Variants in INTS3 observed in about 807,000 individuals in gnomAD.
The protein encoded by INTS3 is SOSS complex subunit A.
A neutral mutation model predicts 146.3 loss-of-function variants in INTS3; 34 were observed. The ratio of observed to expected loss-of-function variants is 0.23; its 90% CI spans 0.18 to 0.31. The LOEUF is 0.31. Among genes scored for constraint, INTS3 ranks in the 10% least tolerant of loss-of-function variants. The pLI is 1.00. For missense variants in INTS3, 757 were observed against 1,304.2 expected, an observed-to-expected ratio of 0.58 and a Z score of 6.46; for synonymous variants, 475 against 494.9, an observed-to-expected ratio of 0.96 and a Z score of 0.53.
chr1:153,760,589 G>A (rs1053147873), intron 12 of INTS3, 199 bp downstream of exon 12: 2 of 625,116 alleles, frequency 3.2e-6, no homozygotes, highest in Non-Finnish European at 5.6e-6. Context: ...TTTTCTGTGG[G>A]GTTTCTCAAT....
intron 19 of INTS3, 65 bp from the exon 20 acceptor site, chr1:153,764,879 A>G: frequency 6.2e-7 from 1 of 1,606,996 alleles, no homozygotes; most frequent in Non-Finnish European, 8.5e-7. Context: ...GCCACCTGAG[A>G]AACTCCATGG....
Position 153,772,256 on chromosome 1 carries a change from T to A in INTS3, c.2721-84T>A. The A allele has an allele frequency of 2.7e-6, 4 of 1,486,364 alleles. No individual in the cohort carries two copies. Among genetic ancestry groups the A allele is most frequent in the Non-Finnish European group, 3.7e-6 (4 of 1,081,716 alleles). 92.1% of individuals were successfully genotyped at this position (1,486,364 alleles called of 1,614,324 possible). A position where few individuals can be genotyped will look rare whatever the true frequency, so the allele number is the denominator to read the frequency against. On this transcript the variant is annotated intron_variant, in intron 26 of 29. Transcript: ENST00000318967. This position sits in a 1 kb window ranked among gnomAD's most constrained non-coding sequence, Gnocchi z 4.6. ...TTCCCCATGTAGGCTGCCTCTGTCT[T>A]AAGGGGGCCCTGGCGGGTGGAGGGT...
At chr1:153,739,173 C>A (rs1570839275) in intron 1 of INTS3, among the ~76,000 whole-genome samples, 1 of 152,174 alleles carries the variant, frequency 6.6e-6, no homozygotes. Flanking sequence ...AAGTGATTCT[C>A]CTGCCTCAGG....
intron 11 of INTS3, 21 bp from the exon 12 acceptor site, chr1:153,760,290 C>A: frequency 8.6e-7 from 1 of 1,162,724 alleles, no homozygotes; most frequent in Non-Finnish European, 1.3e-6. Flanking sequence ...GTGAGGGGCT[C>A]TTTAATTTCA....
At position 153,772,703 on chromosome 1, in the gene INTS3, C is replaced by T; in HGVS notation, c.2886C>T (p.His962=). The change falls in exon 28 of 30, where the codon CAC becomes CAT. Residue 962 remains histidine, a synonymous_variant. Coordinates refer to ENST00000318967, the MANE Select transcript of INTS3 (RefSeq NM_023015.5). The surrounding 1 kb of genome is among the most constrained non-coding windows in gnomAD (Gnocchi z 4.6). The part of the protein sequence containing the change: ...QHVQASCDEA[H]KMKFSDLFSL... ...TCCAAGCGAGCTGTGACGAAGCCCA[C>T]AAGATGAAGTGAGGCTCCTGCCACT... The T allele has an allele frequency of 6.2e-7, 1 of 1,613,652 alleles. No individual in the cohort carries two copies. The highest frequency in any genetic ancestry group is 8.5e-7 in the Non-Finnish European group (1 of 1,179,708).
In INTS3 at chr1:153,728,641, T is replaced by C; in HGVS notation, c.7T>C (p.Leu3=). ME[L]QKGKGAAAAA... ...CCGGCTCCTGGCTGCAGCCATGGAG[T>C]TGCAGAAGGGAAAAGGGGCGGCAGC... Residue 3 remains leucine (L), a synonymous_variant, in exon 1 of 30, where the codon TTG becomes CTG. Coordinates refer to ENST00000318967, the MANE Select transcript of INTS3 (RefSeq NM_023015.5). 6.2e-7 allele frequency: 1 copy of C among 1,602,494 alleles called. No homozygotes were observed.
chr1:153,750,507 G>T (rs1671918277), intron 6 of INTS3, among the ~76,000 whole-genome samples: 1 of 152,152 alleles, frequency 6.6e-6, no homozygotes, highest in Admixed American at 6.5e-5. Flanking sequence ...GACTCGTTGT[G>T]TATCAGTGAC....
intron 10 of INTS3, among the ~76,000 whole-genome samples, chr1:153,758,859 A>G (rs748335403): frequency 2.1e-5 from 3 of 142,974 alleles, no homozygotes; most frequent in Admixed American, 7.0e-5. Flanking sequence ...TATAATCCCA[A>G]TACTTTGGGA....
chr1:153,755,325 G>A (rs71626784), intron 9 of INTS3, among the ~76,000 whole-genome samples: 41 of 152,094 alleles, frequency 2.7e-4, no homozygotes, highest in Non-Finnish European at 7.4e-5. Flanking sequence ...GTGCAGTGGC[G>A]CGATCTCGGC....
intron 13 of INTS3, chr1:153,761,265 C>A (rs1234436127): frequency 2.0e-6 from 1 of 496,980 alleles, no homozygotes; most frequent in Non-Finnish European, 3.5e-6. Context: ...AATCCCAGCA[C>A]TTTGGGAGGC....
intron 10 of INTS3, among the ~76,000 whole-genome samples, chr1:153,759,136 T>G (rs1203142061): frequency 6.6e-6 from 1 of 150,756 alleles, no homozygotes; most frequent in Non-Finnish European, 1.5e-5. Flanking sequence ...AATAGAAAAA[T>G]GAGCCAGGTG....
chr1:153,763,977 C>G (rs967746557), intron 17 of INTS3, 91 bp downstream of exon 17: 25 of 1,345,326 alleles, frequency 1.9e-5, no homozygotes, highest in Non-Finnish European at 2.7e-5. Flanking sequence ...TTTTCCCTCC[C>G]CTAGATGAGT....
intron 16 of INTS3, 32 bp downstream of exon 16, chr1:153,763,394 G>A (rs1672461960): frequency 5.6e-6 from 9 of 1,612,598 alleles, no homozygotes; most frequent in Non-Finnish European, 7.6e-6. Flanking sequence ...AACTTCAGGA[G>A]GTTCAGCCCC....
Position 153,728,802 on chromosome 1 carries a change from G to A in INTS3, c.150+18G>A, listed in dbSNP as rs1670954845. The stretch of plus-strand genomic sequence containing the variant: ...TAGAGGAGGTAGGTGTGGGGGGAGG[G>A]AAGGGAGTTAAGAAATTGGGTTTTG... On this transcript the variant is annotated intron_variant, in intron 1 of 29. Coordinates refer to ENST00000318967, the MANE Select transcript of INTS3 (RefSeq NM_023015.5). 7.0e-7 allele frequency: 1 copy of A among 1,422,704 alleles called. No individual in the cohort carries two copies. Among genetic ancestry groups the A allele is most frequent in the Non-Finnish European group, 9.4e-7 (1 of 1,062,310 alleles). The allele number at this position is 1,422,704 out of a possible 1,614,324, so 88.1% of individuals were successfully genotyped here. A position where few individuals can be genotyped will look rare whatever the true frequency, so the allele number is the denominator to read the frequency against.
At chr1:153,768,258 C>G (rs1391329699) in intron 21 of INTS3, among the ~76,000 whole-genome samples, 1 of 152,176 alleles carries the variant, frequency 6.6e-6, no homozygotes, top group Non-Finnish European at 1.5e-5. Flanking sequence ...CTGGTTCACT[C>G]ACACTCTAGG....
At position 153,768,522 on chromosome 1, in the gene INTS3, T is replaced by C. The variant is rs559784640; in HGVS notation, c.2245-371T>C. Among the ~76,000 whole-genome samples, 40 of 152,330 alleles carry C rather than the reference T, an allele frequency of 2.6e-4. 1 individual carries two copies. The South Asian group carries it at 7.7e-3, about 29-fold the overall frequency. ...AAAGGTCAGCACAGGTTGGACTTCT[T>C]TGCTGCCAGGGATGCAAATATTTAT... On this transcript the variant is annotated intron_variant, in intron 21 of 29. Coordinates refer to ENST00000318967, the MANE Select transcript of INTS3 (RefSeq NM_023015.5).
At chr1:153,748,875 G>A in intron 6 of INTS3, 120 bp downstream of exon 6, 1 of 788,284 alleles carries the variant, frequency 1.3e-6, no homozygotes, top group Non-Finnish European at 2.2e-6. Flanking sequence ...GAGAGGGGGA[G>A]GCAAGGAGAG....
In INTS3 at chr1:153,756,530, T is replaced by C. The variant is rs182723206; in HGVS notation, c.958-1042T>C. The stretch of plus-strand genomic sequence containing the variant: ...GACCCTGTCTCTTAAAAAATAATAA[T>C]TGGGGCCAAGTGCGGTGGCTCACGC... On this transcript the variant is annotated intron_variant, in intron 9 of 29. Coordinates refer to ENST00000318967, the MANE Select transcript of INTS3 (RefSeq NM_023015.5). 4.7e-3 allele frequency among the ~76,000 whole-genome samples: 702 copies of C among 150,256 alleles called. 6 individuals carry two copies. Among genetic ancestry groups the C allele is most frequent in the Non-Finnish European group, 5.0e-3 (335 of 67,568 alleles).
At position 153,760,838 on chromosome 1, in the gene INTS3, C is replaced by G; in HGVS notation, c.1329C>G (p.Asn443Lys). The change falls in exon 13 of 30, where the codon AAC (asparagine) becomes AAG (lysine). Residue 443 changes from asparagine to lysine, a missense_variant. Asn to Lys is a moderately conservative substitution (Grantham distance 94). This residue lies in a region of INTS3 where 97 missense variants were observed against 113.6 expected (regional missense o/e 0.85). Transcript: ENST00000318967. ...LLDFMCRIIP[N>K]FYPPLEGHVR... is the part of the protein sequence containing the mutation. ...TTCTTCGCTTCCAGATCATTCCCAA[C>G]TTCTATCCACCATTGGAGGGCCACG... The G allele has an allele frequency of 6.2e-7, 1 of 1,613,796 alleles. No individual in the cohort carries two copies. The highest frequency in any genetic ancestry group is 8.5e-7 in the Non-Finnish European group (1 of 1,179,628).
Sources: gnomAD v4.1 joint callset for allele counts (sites outside exome capture counted in the v4.1 genomes callset) on GRCh38, gnomAD v4.1.1 for gene constraint, gnomAD v4.1.1 regional missense constraint, Gnocchi (gnomAD v3.1) non-coding constraint, MANE v1.5 for transcripts, NCBI Gene and HGNC (gene_info 2026-07-23, HGNC 2026-07-21) for gene names.